Variants in ZNF407 observed in about 807,000 individuals in gnomAD.
ZNF407 encodes the protein zinc finger protein 407.
In ZNF407, 17 loss-of-function variants were observed where a neutral mutation model predicts 131.2. The observed-to-expected ratio is 0.13, with a 90% confidence interval of 0.09 to 0.19. The LOEUF (loss-of-function observed/expected upper bound fraction) is 0.19, where lower values mean the gene tolerates loss of function less well. ZNF407 is among the 10% of genes least tolerant of loss of function. ZNF407 has a pLI of 1.00. For synonymous variants in ZNF407, 1,156 were observed against 1,062.0 expected (o/e 1.09, Z -1.72); for missense variants, 2,681 against 2,830.6 (o/e 0.95, Z 1.20).
At chr18:74,915,390 T>G (rs1971736757) in intron 7 of ZNF407, among the ~76,000 whole-genome samples, 1 of 116,058 alleles carries the variant, frequency 8.6e-6, no homozygotes, top group Non-Finnish European at 1.7e-5. Flanking sequence ...TATGCAGCAT[T>G]GGTTCGAATC....
At position 74,860,513 on chromosome 18, in the gene ZNF407, A is replaced by ATTATTAT. The variant is rs1195252694; in HGVS notation, c.4878-16683_4878-16682insTATTATT. Among the ~76,000 whole-genome samples the ATTATTAT allele has an allele frequency of 3.3e-5, 5 of 150,254 alleles. No individual in the cohort carries two copies. The Admixed American group carries it at 3.3e-4, about 10-fold the overall frequency. On this transcript the variant is annotated intron_variant, in intron 4 of 8. Coordinates refer to ENST00000299687, the MANE Select transcript of ZNF407 (RefSeq NM_017757.3). Reference sequence around the variant, plus strand: ...TATTATTATTATTATTATTATTATTATGTCTTAGACAAGCAAAAAATGAAA... The same window carrying ATTATTAT: ...TATTATTATTATTATTATTATTATTATTATTATTGTCTTAGACAAGCAAAAAATGAAA...
chr18:74,685,669 T>C (rs1967081023), intron 3 of ZNF407, among the ~76,000 whole-genome samples: 1 of 152,184 alleles, frequency 6.6e-6, no homozygotes, highest in African/African-American at 2.4e-5. Flanking sequence ...TGCTCCTTCT[T>C]GAATATGTGG....
Position 74,635,019 on chromosome 18 carries a change from A to T in ZNF407, c.4000A>T (p.Ser1334Cys). The T allele has an allele frequency of 6.2e-7, 1 of 1,614,024 alleles. No homozygotes were observed. Among genetic ancestry groups the T allele is most frequent in the South Asian group, 1.1e-5 (1 of 91,084 alleles). Residue 1334 changes from serine (S) to cysteine (C), a missense_variant, in exon 2 of 9, where the codon AGT (serine) becomes TGT (cysteine). Physicochemically the swap from Ser to Cys is moderately radical, Grantham distance 112. Coordinates refer to ENST00000299687, the MANE Select transcript of ZNF407 (RefSeq NM_017757.3). The surrounding 1 kb of genome is among the most constrained non-coding windows in gnomAD (Gnocchi z 4.7). ...AGCTTCTGATAGCACAGTTGAAAGTAGTGATGTCTATGAAACTATAATTAG... is the reference window on the plus strand; with the variant it reads ...AGCTTCTGATAGCACAGTTGAAAGTTGTGATGTCTATGAAACTATAATTAG... ...GPASDSTVESSDVYETIISID... is the reference protein window; with the variant it reads ...GPASDSTVESCDVYETIISID...
At chr18:74,881,886 C>A (rs987213838) in intron 6 of ZNF407, among the ~76,000 whole-genome samples, 1 of 152,184 alleles carries the variant, frequency 6.6e-6, no homozygotes, top group South Asian at 2.1e-4. Context: ...AACAGTTCCA[C>A]GTGGCTCAGG....
intron 3 of ZNF407, among the ~76,000 whole-genome samples, chr18:74,721,182 A>G (rs1968027835): frequency 6.6e-6 from 1 of 151,988 alleles, no homozygotes; most frequent in South Asian, 2.1e-4. Flanking sequence ...ACTGATTTGC[A>G]GTTTTCCTTG....
chr18:74,833,323 T>A (rs1356002619), intron 4 of ZNF407, among the ~76,000 whole-genome samples: 1 of 152,202 alleles, frequency 6.6e-6, no homozygotes, highest in Non-Finnish European at 1.5e-5. Context: ...TAAATTCTAA[T>A]ACTAGGGAAA....
At chr18:74,882,045 C>G (rs1342461665) in intron 6 of ZNF407, among the ~76,000 whole-genome samples, 1 of 152,164 alleles carries the variant, frequency 6.6e-6, no homozygotes. Context: ...CAAGAAAGAC[C>G]TGCTCCCATG....
intron 8 of ZNF407, among the ~76,000 whole-genome samples, chr18:75,025,085 CAT>C (rs1209447130): frequency 6.6e-6 from 1 of 152,182 alleles, no homozygotes; most frequent in Non-Finnish European, 1.5e-5. Flanking sequence ...GCGCAAAATG[CAT>C]AGAGCTTGTA....
intron 3 of ZNF407, among the ~76,000 whole-genome samples, chr18:74,759,618 C>T (rs1303154494): frequency 1.3e-5 from 2 of 151,686 alleles, no homozygotes; most frequent in African/African-American, 4.8e-5. Flanking sequence ...TGACTATTTT[C>T]TTCTGCCAGT....
chr18:75,026,802 G>A (rs757180577), intron 8 of ZNF407, among the ~76,000 whole-genome samples: 5 of 152,148 alleles, frequency 3.3e-5, no homozygotes, highest in Non-Finnish European at 7.3e-5. Flanking sequence ...TGCCTAAGTC[G>A]ATGACTGCTT....
intron 4 of ZNF407, among the ~76,000 whole-genome samples, chr18:74,830,365 C>T (rs1970465551): frequency 6.6e-6 from 1 of 152,158 alleles, no homozygotes; most frequent in Non-Finnish European, 1.5e-5. Context: ...TCGCTGCAGC[C>T]TTGACCTCCC....
chr18:74,962,026 A>AGGCCATTTCCTTT (rs1315159668), intron 8 of ZNF407, among the ~76,000 whole-genome samples: 3 of 152,214 alleles, frequency 2.0e-5, no homozygotes, highest in Non-Finnish European at 4.4e-5. Flanking sequence ...GAAGTTTAGA[A>AGGCCATTTCCTTT]GGCCATTTCC....
chr18:74,878,670 C>CT (rs1180863476), intron 5 of ZNF407, among the ~76,000 whole-genome samples: 1 of 152,116 alleles, frequency 6.6e-6, no homozygotes, highest in Non-Finnish European at 1.5e-5. Flanking sequence ...GTTTCCGTGT[C>CT]TTTCTACATT....
intron 3 of ZNF407, among the ~76,000 whole-genome samples, chr18:74,649,018 C>T (rs1282658331): frequency 6.6e-6 from 1 of 152,184 alleles, no homozygotes; most frequent in Non-Finnish European, 1.5e-5. Context: ...CTCCTCTTTC[C>T]CCTGCCTTAG....
chr18:74,935,380 T>C (rs1177779766), intron 8 of ZNF407, among the ~76,000 whole-genome samples: 1 of 152,246 alleles, frequency 6.6e-6, no homozygotes, highest in Non-Finnish European at 1.5e-5. Flanking sequence ...TGGTCAACAC[T>C]GAAATGTGGT....
chr18:74,604,622 G>A (rs749336134), intron 1 of ZNF407, among the ~76,000 whole-genome samples: 1 of 152,222 alleles, frequency 6.6e-6, no homozygotes, highest in Non-Finnish European at 1.5e-5. Context: ...ATGCCCCATA[G>A]GGAGCAAGTG....
At chr18:74,701,616 T>G (rs558499340) in intron 3 of ZNF407, among the ~76,000 whole-genome samples, 2 of 152,306 alleles carry the variant, frequency 1.3e-5, no homozygotes, top group East Asian at 3.9e-4. Flanking sequence ...AAGGTAACTA[T>G]TACAGTTAAT....
chr18:74,799,129 T>C (rs1385779954), intron 4 of ZNF407, among the ~76,000 whole-genome samples: 1 of 152,150 alleles, frequency 6.6e-6, no homozygotes, highest in Non-Finnish European at 1.5e-5. Flanking sequence ...AATTTTTAGG[T>C]TGACTAATAT....
chr18:74,974,491 C>T (rs762728968), intron 8 of ZNF407, among the ~76,000 whole-genome samples: 2 of 152,164 alleles, frequency 1.3e-5, no homozygotes, highest in Non-Finnish European at 2.9e-5. Context: ...TATCAAATTA[C>T]GCTCGGCAAC....
Sources: gnomAD v4.1 joint callset for allele counts (sites outside exome capture counted in the v4.1 genomes callset) on GRCh38, gnomAD v4.1.1 for gene constraint, Gnocchi (gnomAD v3.1) non-coding constraint, MANE v1.5 for transcripts, NCBI Gene and HGNC (gene_info 2026-07-23, HGNC 2026-07-21) for gene names.